The following CHL1 variants were observed in gnomAD, a reference collection of about 807,000 sequenced individuals.
CHL1 encodes neural cell adhesion molecule L1-like protein.
In CHL1, 96 loss-of-function variants were observed where a neutral mutation model predicts 141.9. The ratio of observed to expected loss-of-function variants is 0.68; its 90% CI spans 0.57 to 0.80. The LOEUF is 0.80. CHL1 is among the 30% of genes least tolerant of loss of function. The pLI, the probability that CHL1 is intolerant of heterozygous loss-of-function variation, is 0.00. For missense variants in CHL1, 1,820 were observed against 1,457.2 expected (o/e 1.25, Z -4.05); for synonymous variants, 613 against 502.2 (o/e 1.22, Z -2.95).
At chr3:343,968 G>T (rs1702555080) in intron 8 of CHL1, among the ~76,000 whole-genome samples, 1 of 152,184 alleles carries the variant, frequency 6.6e-6, no homozygotes, top group Admixed American at 6.5e-5. Flanking sequence ...ATTTGCCATT[G>T]TATTTGAAAA....
chr3:261,244 T>A (rs1364820647), intron 2 of CHL1, among the ~76,000 whole-genome samples: 1 of 151,934 alleles, frequency 6.6e-6, no homozygotes, highest in East Asian at 1.9e-4. Context: ...ACTAATTTAT[T>A]TTTTTTACCT....
At chr3:252,144 T>C (rs1693741805) in intron 2 of CHL1, among the ~76,000 whole-genome samples, 1 of 151,802 alleles carries the variant, frequency 6.6e-6, no homozygotes, top group African/African-American at 2.4e-5. Flanking sequence ...AGTAAAATTT[T>C]ATTACATTTC....
intron 2 of CHL1, among the ~76,000 whole-genome samples, chr3:315,603 A>G (rs959359936): frequency 6.6e-6 from 1 of 152,040 alleles, no homozygotes; most frequent in African/African-American, 2.4e-5. Context: ...AGAGGCAAAG[A>G]ATTTTATTTC....
intron 2 of CHL1, chr3:246,966 C>G (rs1258536623): frequency 6.6e-6 from 1 of 151,972 alleles, no homozygotes; most frequent in Non-Finnish European, 1.5e-5. Flanking sequence ...TGTGCCGAGA[C>G]TGCTTGATGG....
At chr3:316,587 G>C (rs1019383042) in intron 2 of CHL1, among the ~76,000 whole-genome samples, 1 of 151,836 alleles carries the variant, frequency 6.6e-6, no homozygotes, top group Non-Finnish European at 1.5e-5. Flanking sequence ...ATTAATATAA[G>C]CTATCAGACA....
At chr3:333,435 A>C (rs757563684) in intron 5 of CHL1, among the ~76,000 whole-genome samples, 3 of 152,098 alleles carry the variant, frequency 2.0e-5, no homozygotes, top group Admixed American at 6.5e-5. Context: ...AACAAACAGA[A>C]ACCTTTGTAT....
At position 354,764 on chromosome 3, in the gene CHL1, A is replaced by C. The variant is rs1335051305; in HGVS notation, c.1158A>C (p.Pro386=). The stretch of plus-strand genomic sequence containing the variant: ...TCAAGTGGAGAGTCAATGGCTCCCC[A>C]GTTGACAGTAAGTTTAAAAACCAAT... ...PTIKWRVNGS[P]VDNHPFAGDV... is the part of the protein sequence containing the mutation. Residue 386 remains proline, a synonymous_variant, in exon 11 of 28, where the codon CCA becomes CCC. Transcript: ENST00000256509. The C allele has an allele frequency of 2.5e-6, 4 of 1,613,216 alleles. No individual in the cohort carries two copies. The East Asian group carries it at 6.7e-5, about 27-fold the overall frequency.
intron 2 of CHL1, among the ~76,000 whole-genome samples, chr3:250,646 T>A (rs1296166277): frequency 6.6e-6 from 1 of 152,154 alleles, no homozygotes; most frequent in Non-Finnish European, 1.5e-5. Context: ...CTGTGTTTGC[T>A]GCTTGCTGAC....
chr3:335,762 C>G (rs1428490722), intron 5 of CHL1, among the ~76,000 whole-genome samples: 1 of 152,190 alleles, frequency 6.6e-6, no homozygotes, highest in Non-Finnish European at 1.5e-5. Flanking sequence ...CTTCTACCTC[C>G]TCTGAAAATG....
At chr3:301,729 CT>C (rs1698755807) in intron 2 of CHL1, among the ~76,000 whole-genome samples, 1 of 152,112 alleles carries the variant, frequency 6.6e-6, no homozygotes, top group African/African-American at 2.4e-5. Context: ...GTCTTGTAGT[CT>C]TTTTCCGGAA....
At chr3:396,695 G>A (rs537778283) in intron 24 of CHL1, among the ~76,000 whole-genome samples, 90 of 152,090 alleles carry the variant, frequency 5.9e-4, no homozygotes, top group Non-Finnish European at 9.9e-4. Flanking sequence ...TCTTACTGGT[G>A]TGTTTGTGCT....
intron 2 of CHL1, among the ~76,000 whole-genome samples, chr3:287,228 A>G (rs1011966455): frequency 3.3e-5 from 5 of 152,092 alleles, no homozygotes; most frequent in Non-Finnish European, 7.4e-5. Flanking sequence ...ATATTAATAC[A>G]TATTATATTT....
At chr3:295,339 G>T (rs947163045) in intron 2 of CHL1, among the ~76,000 whole-genome samples, 2 of 152,132 alleles carry the variant, frequency 1.3e-5, no homozygotes, top group African/African-American at 4.8e-5. Context: ...CTAGTGTCCC[G>T]AAGCCACAGA....
chr3:311,898 G>T (rs1161585761), intron 2 of CHL1, among the ~76,000 whole-genome samples: 1 of 151,872 alleles, frequency 6.6e-6, no homozygotes, highest in African/African-American at 2.4e-5. Context: ...CTTAATGTTG[G>T]GATTATTCTC....
At chr3:350,393 T>C (rs1353456544) in intron 10 of CHL1, among the ~76,000 whole-genome samples, 2 of 152,288 alleles carry the variant, frequency 1.3e-5, no homozygotes, top group East Asian at 3.9e-4. Flanking sequence ...ATCTACAATG[T>C]AGTTGACCGT....
chr3:294,304 G>A (rs1697986835), intron 2 of CHL1, among the ~76,000 whole-genome samples: 2 of 152,100 alleles, frequency 1.3e-5, no homozygotes, highest in Non-Finnish European at 2.9e-5. Flanking sequence ...GGGTGACAGA[G>A]CAAGACTCTT....
chr3:224,331 C>G (rs1022989103), intron 1 of CHL1, among the ~76,000 whole-genome samples: 1 of 152,172 alleles, frequency 6.6e-6, no homozygotes, highest in Non-Finnish European at 1.5e-5. Context: ...TCAGCTATGT[C>G]AGATTTCTCT....
At chr3:217,125 C>A (rs1009974608) in intron 1 of CHL1, among the ~76,000 whole-genome samples, 1 of 151,918 alleles carries the variant, frequency 6.6e-6, no homozygotes, top group Non-Finnish European at 1.5e-5. Context: ...CTGTGCAATT[C>A]CTGAATAATT....
At chr3:342,116 T>C (rs1182515705) in intron 7 of CHL1, 34 bp downstream of exon 7, 7 of 1,561,374 alleles carry the variant, frequency 4.5e-6, no homozygotes, top group Non-Finnish European at 6.1e-6. Context: ...TCATCATGTA[T>C]GCTGAATGCA....
Sources: gnomAD v4.1 joint callset for allele counts (sites outside exome capture counted in the v4.1 genomes callset) on GRCh38, gnomAD v4.1.1 for gene constraint, MANE v1.5 for transcripts, NCBI Gene and HGNC (gene_info 2026-07-23, HGNC 2026-07-21) for gene names.